The following UGGT2 variants were observed in gnomAD, a reference collection of about 807,000 sequenced individuals.
UGGT2 encodes UDP-glucose:glycoprotein glucosyltransferase 2.
A neutral mutation model predicts 192.1 loss-of-function variants in UGGT2; 180 were observed. The ratio of observed to expected loss-of-function variants is 0.94; its 90% CI spans 0.83 to 1.06. The LOEUF is 1.06. UGGT2 is among the 50% of genes least tolerant of loss of function. The pLI is 0.00. For synonymous variants in UGGT2, 580 were observed against 591.0 expected, an observed-to-expected ratio of 0.98 and a Z score of 0.27; for missense variants, 1,849 against 1,795.7, an observed-to-expected ratio of 1.03 and a Z score of -0.54.
At chr13:95,908,621 T>G (rs1274668158) in intron 20 of UGGT2, among the ~76,000 whole-genome samples, 1 of 151,068 alleles carries the variant, frequency 6.6e-6, no homozygotes, top group Non-Finnish European at 1.5e-5. Flanking sequence ...GTTTCCTGAC[T>G]TTTTAATGAT....
In UGGT2 at chr13:96,039,511, G is replaced by GT. The variant is rs558962378; in HGVS notation, c.159-7541dup. Among the ~76,000 whole-genome samples the GT allele has an allele frequency of 6.2e-4, 94 of 152,200 alleles. 1 individual carries two copies. Among genetic ancestry groups the GT allele is most frequent in the African/African-American group, 2.0e-3 (81 of 41,524 alleles). On this transcript the variant is annotated intron_variant, in intron 1 of 38. Transcript: ENST00000376747. ...GTTCAGCAAAAGGTTGTCCTGCCAG[G>GT]TTTCTGTCTTTCTCTCCAGAGCACA...
intron 12 of UGGT2, among the ~76,000 whole-genome samples, chr13:95,954,444 G>A (rs1330755657): frequency 6.6e-6 from 1 of 152,152 alleles, no homozygotes; most frequent in East Asian, 1.9e-4. Context: ...CATTAAAGCA[G>A]ATCTTAAGAC....
intron 29 of UGGT2, among the ~76,000 whole-genome samples, chr13:95,873,609 G>A (rs1490930448): frequency 6.6e-6 from 1 of 152,118 alleles, no homozygotes; most frequent in African/African-American, 2.4e-5. Flanking sequence ...CTTTCTCTCT[G>A]CCTGACTCCT....
intron 31 of UGGT2, among the ~76,000 whole-genome samples, chr13:95,862,553 G>A (rs528292706): frequency 6.6e-6 from 1 of 152,274 alleles, no homozygotes; most frequent in South Asian, 2.1e-4. Context: ...CTTCCCACCA[G>A]TTCTAGAAGT....
In UGGT2 at chr13:95,877,269, C is replaced by T; in HGVS notation, c.3473+10G>A. ...TGTGTAAAAATTTAAAAGCAGCCTG[C>T]ATAACTCACCCAACTATTTGATAAA... On this transcript the variant is annotated intron_variant, in intron 29 of 38. Transcript: ENST00000376747. 2 of 1,575,712 alleles carry T rather than the reference C, an allele frequency of 1.3e-6. No individual in the cohort carries two copies. The highest frequency in any genetic ancestry group is 1.7e-6 in the Non-Finnish European group (2 of 1,164,316).
intron 2 of UGGT2, among the ~76,000 whole-genome samples, chr13:96,031,355 G>A (rs1741804555): frequency 6.6e-6 from 1 of 152,106 alleles, no homozygotes; most frequent in South Asian, 2.1e-4. Flanking sequence ...TCTCTCTGTC[G>A]CTCAGGCTGG....
chr13:95,922,377 C>T (rs1218636111), intron 20 of UGGT2, among the ~76,000 whole-genome samples: 1 of 152,164 alleles, frequency 6.6e-6, no homozygotes, highest in Non-Finnish European at 1.5e-5. Flanking sequence ...ACTTGGAGAA[C>T]AGAATCATTA....
rs1885236902 is a variant in UGGT2 at position 95,819,214 on chromosome 13, G to A, written c.4528+13713C>T. Among the ~76,000 whole-genome samples the A allele has an allele frequency of 2.0e-5, 3 of 152,138 alleles. 1 individual carries two copies. Among genetic ancestry groups the A allele is most frequent in the African/African-American group, 7.2e-5 (3 of 41,504 alleles). ...TTCCCTTTATTATACTCTTGAATAT[G>A]TTTAAGCTTCTATTACATTTGTCAA... is the stretch of plus-strand genomic sequence containing the variant. On this transcript the variant is annotated intron_variant, in intron 38 of 38. Coordinates refer to ENST00000376747, the MANE Select transcript of UGGT2 (RefSeq NM_020121.4).
rs572000485 is a variant in UGGT2, at chr13:95,832,706, T to C, written c.4528+221A>G. 38 of 630,370 alleles carry C rather than the reference T, an allele frequency of 6.0e-5. No individual in the cohort carries two copies. In the East Asian group the frequency reaches 8.2e-4, roughly 14 times the overall value. The allele number at this position is 630,370 out of a possible 1,614,324, so 39.0% of individuals were successfully genotyped here. ...ACTAATGTTACACTATCTATCCATA[T>C]AGAGTTATGAGCTGAAGCTGTATCC... On this transcript the variant is annotated intron_variant, in intron 38 of 38. Coordinates refer to ENST00000376747, the MANE Select transcript of UGGT2 (RefSeq NM_020121.4).
intron 38 of UGGT2, among the ~76,000 whole-genome samples, chr13:95,817,984 T>C (rs1885077972): frequency 6.6e-6 from 1 of 152,174 alleles, no homozygotes; most frequent in Non-Finnish European, 1.5e-5. Context: ...CTAGTATTTA[T>C]CAGAATCAGA....
chr13:96,017,449 GAAGC>G (rs2139091740), intron 4 of UGGT2, among the ~76,000 whole-genome samples: 1 of 152,264 alleles, frequency 6.6e-6, no homozygotes, highest in African/African-American at 2.4e-5. Flanking sequence ...GCTCTCACCA[GAAGC>G]CAAGCAGATG....
intron 29 of UGGT2, among the ~76,000 whole-genome samples, chr13:95,872,600 A>G (rs1419568109): frequency 6.6e-6 from 1 of 152,186 alleles, no homozygotes; most frequent in Non-Finnish European, 1.5e-5. Flanking sequence ...AGTGACATTA[A>G]TCATATGTAG....
chr13:95,980,795 G>A (rs1486151765), intron 10 of UGGT2, among the ~76,000 whole-genome samples: 1 of 152,158 alleles, frequency 6.6e-6, no homozygotes, highest in African/African-American at 2.4e-5. Flanking sequence ...TCAGGAGTTC[G>A]TGACCAGCCT....
In UGGT2 at chr13:95,940,111, ATAAT is replaced by A. The variant is rs778730496; in HGVS notation, c.1678-24_1678-21del. The A allele has an allele frequency of 1.4e-6, 2 of 1,416,054 alleles. No homozygotes were observed. Among genetic ancestry groups the A allele is most frequent in the Non-Finnish European group, 1.9e-6 (2 of 1,056,698 alleles). The allele number at this position is 1,416,054 out of a possible 1,614,324, so 87.7% of individuals were successfully genotyped here. On this transcript the variant is annotated intron_variant, in intron 15 of 38. Transcript: ENST00000376747. Reference sequence around the variant, plus strand: ...GTACATCTGTGAAAATTTAGATATTATAATTAATTTTCTTCTTATAGCAATTAGT... The same window carrying A: ...GTACATCTGTGAAAATTTAGATATTATAATTTTCTTCTTATAGCAATTAGT...
intron 25 of UGGT2, among the ~76,000 whole-genome samples, chr13:95,889,040 G>A (rs1286329978): frequency 6.6e-6 from 1 of 151,836 alleles, no homozygotes; most frequent in African/African-American, 2.4e-5. Context: ...GGCTGGTCTT[G>A]AATTTCTCAA....
At chr13:96,013,725 A>T (rs1438563820) in intron 4 of UGGT2, among the ~76,000 whole-genome samples, 1 of 152,138 alleles carries the variant, frequency 6.6e-6, no homozygotes, top group Non-Finnish European at 1.5e-5. Flanking sequence ...ATTATCTTTA[A>T]ACAATAACAT....
intron 38 of UGGT2, among the ~76,000 whole-genome samples, chr13:95,808,146 A>G (rs568571928): frequency 3.9e-5 from 6 of 152,164 alleles, no homozygotes; most frequent in Admixed American, 6.5e-5. Context: ...CAGGCAACAT[A>G]CTTCCTGATC....
chr13:95,948,108 A>G (rs1210313430), intron 13 of UGGT2, 27 bp from the exon 14 acceptor site: 3 of 1,557,696 alleles, frequency 1.9e-6, no homozygotes, highest in East Asian at 2.3e-5. Flanking sequence ...ATATATCACT[A>G]TTTCAACACC....
At position 95,948,620 on chromosome 13, in the gene UGGT2, G is replaced by A. The variant is rs1001202656; in HGVS notation, c.1456-539C>T. 3.8e-4 allele frequency among the ~76,000 whole-genome samples: 58 copies of A among 152,154 alleles called. 1 individual carries two copies. Among genetic ancestry groups the A allele is most frequent in the African/African-American group, 1.4e-3 (56 of 41,438 alleles). ...TTGGGCTAATAAAATTATATGCATA[G>A]ATGATAAAGTGGTATTTATGTATCT... On this transcript the variant is annotated intron_variant, in intron 13 of 38. Transcript: ENST00000376747.
Sources: gnomAD v4.1 joint callset for allele counts (sites outside exome capture counted in the v4.1 genomes callset) on GRCh38, gnomAD v4.1.1 for gene constraint, MANE v1.5 for transcripts, NCBI Gene and HGNC (gene_info 2026-07-23, HGNC 2026-07-21) for gene names.